JCAD: variants seen among roughly 807,000 people sequenced by gnomAD.
The protein encoded by JCAD is junctional cadherin 5 associated, also known as junctional cadherin 5-associated protein.
Under a neutral mutation model 98.0 loss-of-function variants are expected in JCAD, and 40 were observed. The observed-to-expected ratio is 0.41, with a 90% CI of 0.32 to 0.53. The LOEUF (loss-of-function observed/expected upper bound fraction) is 0.53, where lower values mean the gene tolerates loss of function less well. Among genes scored for constraint, JCAD ranks in the 20% least tolerant of loss-of-function variants. JCAD has a pLI of 0.31. For missense variants in JCAD, 1,705 were observed against 1,738.1 expected (o/e 0.98, Z 0.34); for synonymous variants, 691 against 682.3 (o/e 1.01, Z -0.20).
chr10:30,113,011 C>G (rs1838733198), intron 1 of JCAD, among the ~76,000 whole-genome samples: 1 of 151,960 alleles, frequency 6.6e-6, no homozygotes, highest in South Asian at 2.1e-4. Context: ...TAGATCTAGA[C>G]AGTGGCAATG....
chr10:30,053,227 G>A (rs1423551487), intron 1 of JCAD, among the ~76,000 whole-genome samples: 2 of 151,956 alleles, frequency 1.3e-5, no homozygotes, highest in Non-Finnish European at 2.9e-5. Context: ...GGGGGTGGGG[G>A]GTGCAGGCTA....
intron 2 of JCAD, among the ~76,000 whole-genome samples, chr10:30,032,391 C>T (rs1223161536): frequency 6.6e-6 from 1 of 152,064 alleles, no homozygotes; most frequent in African/African-American, 2.4e-5. Flanking sequence ...TCTAATGCAA[C>T]CAAAGGAAAG....
intron 1 of JCAD, among the ~76,000 whole-genome samples, chr10:30,086,949 G>C (rs754767609): frequency 1.3e-5 from 2 of 152,174 alleles, no homozygotes; most frequent in Non-Finnish European, 2.9e-5. Context: ...GTTACAGTGG[G>C]ATAAATATAG....
chr10:30,062,451 T>C (rs536572226), upstream of JCAD, among the ~76,000 whole-genome samples: 1 of 152,212 alleles, frequency 6.6e-6, no homozygotes, highest in Non-Finnish European at 1.5e-5. Flanking sequence ...GGTGAGGCTG[T>C]GGATGTGGGG....
chr10:30,090,408 G>T (rs1399988423), intron 1 of JCAD, among the ~76,000 whole-genome samples: 7 of 152,106 alleles, frequency 4.6e-5, no homozygotes, highest in African/African-American at 1.7e-4. Flanking sequence ...CAGGCGTGGT[G>T]GCGGGTGCCT....
chr10:30,088,340 T>C (rs773894544), intron 1 of JCAD, among the ~76,000 whole-genome samples: 29 of 152,052 alleles, frequency 1.9e-4, no homozygotes, highest in Non-Finnish European at 4.0e-4. Flanking sequence ...GCTAAAACAG[T>C]CACCCTAGGA....
chr10:30,060,641 A>G (rs1452095646), upstream of JCAD, among the ~76,000 whole-genome samples: 1 of 152,204 alleles, frequency 6.6e-6, no homozygotes, highest in Admixed American at 6.5e-5. Context: ...ACTTAGCCAC[A>G]TCATGATTTT....
chr10:30,092,205 C>T (rs1032051197), intron 1 of JCAD, among the ~76,000 whole-genome samples: 3 of 144,032 alleles, frequency 2.1e-5, no homozygotes, highest in African/African-American at 5.2e-5. Flanking sequence ...AGATTTTCTA[C>T]GACACTAGGG....
intron 1 of JCAD, among the ~76,000 whole-genome samples, chr10:30,049,335 C>T (rs1020599661): frequency 2.6e-5 from 4 of 152,222 alleles, no homozygotes; most frequent in Non-Finnish European, 5.9e-5. Flanking sequence ...GGCCAGGAAA[C>T]GCCTGCTGGC....
intron 1 of JCAD, among the ~76,000 whole-genome samples, chr10:30,090,118 G>GTTTTTTTTTCCTTTGTTTCT (rs1838236598): frequency 6.6e-6 from 1 of 152,144 alleles, no homozygotes; most frequent in African/African-American, 2.4e-5. Context: ...TATGATAAAT[G>GTTTTTTTTTCCTTTGTTTCT]GTGTTCTTTA....
chr10:30,082,866 A>C (rs1458615444), intron 1 of JCAD, among the ~76,000 whole-genome samples: 9 of 148,850 alleles, frequency 6.0e-5, no homozygotes, highest in African/African-American at 1.5e-4. Flanking sequence ...AAAAAAAAAA[A>C]AAAAAAAAAA....
intron 1 of JCAD, among the ~76,000 whole-genome samples, chr10:30,073,647 G>GTCCTTCCTTCCT (rs60380450): frequency 0.043 from 5,933 of 138,474 alleles, 168 homozygotes; most frequent in African/African-American, 0.065. Context: ...TAGCAAGATT[G>GTCCTTCCTTCCT]TCCTTCCTTC....
rs773054178 is a variant in JCAD at position 30,028,690 on chromosome 10, A to G, written c.1458T>C (p.Asp486=). The G allele has an allele frequency of 2.5e-6, 4 of 1,608,806 alleles. No homozygotes were observed. In the East Asian group the frequency reaches 8.9e-5, roughly 36 times the overall value. The change falls in exon 3 of 4, where the codon GAT becomes GAC. Residue 486 remains aspartate, a synonymous_variant. Transcript: ENST00000375377. ...NPQSLIPPSG[D]ERGLVLADSS... ...AATCGGCCAAGACCAGGCCTCTCTC[A>G]TCCCCCGACGGGGGTATTAAGCTCT...
intron 2 of JCAD, among the ~76,000 whole-genome samples, chr10:30,046,117 G>A (rs1052269363): frequency 6.6e-6 from 1 of 152,096 alleles, no homozygotes; most frequent in Non-Finnish European, 1.5e-5. Context: ...TCTAACTGCT[G>A]ACATGCAGTT....
In JCAD at chr10:30,029,951, A is replaced by T. The variant is rs1184238836; in HGVS notation, c.282-85T>A. 7 of 1,437,420 alleles carry T rather than the reference A, an allele frequency of 4.9e-6. No individual in the cohort carries two copies. In the East Asian group the frequency reaches 7.4e-5, roughly 15 times the overall value. The allele number at this position is 1,437,420 out of a possible 1,614,324, so 89.0% of individuals were successfully genotyped here. A position where few individuals can be genotyped will look rare whatever the true frequency, so the allele number is the denominator to read the frequency against. On this transcript the variant is annotated intron_variant, in intron 2 of 3. Transcript: ENST00000375377. ...GTGACTGGCATTCGAAGTCAAACTC[A>T]GGTCAGCAACTTTGAAAACTTGGTT... is the stretch of plus-strand genomic sequence containing the variant.
rs78646257 is a variant in JCAD at position 30,028,943 on chromosome 10, C to T, written c.1205G>A (p.Arg402His). The T allele has an allele frequency of 1.3e-3, 2,096 of 1,614,000 alleles. 2 individuals are homozygous for T. Among genetic ancestry groups the T allele is most frequent in the East Asian group, 4.9e-3 (218 of 44,868 alleles). ...GTGNEYGVSPRLPQGLPAHPR... is the reference protein window; with the variant it reads ...GTGNEYGVSPHLPQGLPAHPR... ...ATGTGCGGGGAGCCCCTGAGGCAAG[C>T]GGGGGCTCACACCATACTCATTCCC... Residue 402 changes from arginine (R) to histidine (H), a missense_variant, in exon 3 of 4, where the codon CGC (arginine) becomes CAC (histidine). By Grantham distance (29) the Arg-to-His change is conservative. Transcript: ENST00000375377.
At chr10:30,069,809 A>AG (rs980190803) in exon 2 of JCAD, 1 of 152,192 alleles carries the variant, frequency 6.6e-6, no homozygotes, top group Non-Finnish European at 1.5e-5. Flanking sequence ...TGGGCAACAG[A>AG]GGGAGACCCT....
At chr10:30,058,004 G>A (rs574676320) in intron 1 of JCAD, among the ~76,000 whole-genome samples, 11 of 152,132 alleles carry the variant, frequency 7.2e-5, no homozygotes, top group Non-Finnish European at 1.6e-4. Context: ...ATTCTAAAAT[G>A]AACTGACATT....
intron 1 of JCAD, among the ~76,000 whole-genome samples, chr10:30,092,096 C>G (rs1287444136): frequency 1.6e-4 from 1 of 6,266 alleles, no homozygotes; most frequent in Non-Finnish European, 3.0e-4. Context: ...TATAAAGTTA[C>G]TTTATATATA....
Sources: gnomAD v4.1 joint callset for allele counts (sites outside exome capture counted in the v4.1 genomes callset) on GRCh38, gnomAD v4.1.1 for gene constraint, MANE v1.5 for transcripts, NCBI Gene and HGNC (gene_info 2026-07-23, HGNC 2026-07-21) for gene names.